RAD54L2: variants seen among roughly 807,000 people sequenced by gnomAD.
RAD54L2 encodes RAD54 like 2.
RAD54L2 carries 27 observed loss-of-function variants against 138.4 expected under a neutral mutation model. That is an observed-to-expected ratio of 0.20 (90% CI 0.14 to 0.27). The LOEUF (loss-of-function observed/expected upper bound fraction) is 0.27. Among genes scored for constraint, RAD54L2 ranks in the 10% least tolerant of loss-of-function variants. The pLI is 1.00. For missense variants in RAD54L2, 1,396 were observed against 1,890.2 expected (o/e 0.74, Z 4.85); for synonymous variants, 644 against 723.2 (o/e 0.89, Z 1.76).
chr3:51,598,831 T>C (rs776320021), intron 3 of RAD54L2, among the ~76,000 whole-genome samples: 25 of 151,930 alleles, frequency 1.6e-4, no homozygotes, highest in Non-Finnish European at 3.2e-4. Flanking sequence ...TTCTGGAGGG[T>C]GTCACACAAA....
intron 2 of RAD54L2, among the ~76,000 whole-genome samples, chr3:51,548,240 G>T (rs1553672747): frequency 6.6e-6 from 1 of 151,920 alleles, no homozygotes; most frequent in East Asian, 1.9e-4. Context: ...CCAGGCTGGA[G>T]TGCAGTGGCA....
chr3:51,554,945 C>T (rs907569176), intron 2 of RAD54L2, among the ~76,000 whole-genome samples: 3 of 152,110 alleles, frequency 2.0e-5, no homozygotes, highest in Admixed American at 1.3e-4. Flanking sequence ...CAGGTTCAAG[C>T]GATTCTCTTG....
In RAD54L2 at chr3:51,617,959, T is replaced by C. The variant is rs143684276; in HGVS notation, c.140-9594T>C. Among the ~76,000 whole-genome samples the C allele has an allele frequency of 3.7e-3, 567 of 152,098 alleles. 3 individuals carry two copies. Among genetic ancestry groups the C allele is most frequent in the African/African-American group, 0.013 (532 of 41,522 alleles). ...TTTAATACATACATGTTTCTAGATATGTAAGTCTTTTTTTTTTGAGACGGA... is the reference window on the plus strand; with the variant it reads ...TTTAATACATACATGTTTCTAGATACGTAAGTCTTTTTTTTTTGAGACGGA... On this transcript the variant is annotated intron_variant, in intron 3 of 22. Coordinates refer to ENST00000684192, the MANE Select transcript of RAD54L2 (RefSeq NM_015106.4).
intron 21 of RAD54L2, among the ~76,000 whole-genome samples, chr3:51,658,361 G>A (rs553932265): frequency 6.6e-6 from 1 of 152,286 alleles, no homozygotes; most frequent in East Asian, 1.9e-4. Context: ...AGCAGGGTGG[G>A]GGTCCCCTGA....
intron 2 of RAD54L2, among the ~76,000 whole-genome samples, chr3:51,542,754 C>T (rs925170067): frequency 4.6e-5 from 7 of 152,166 alleles, no homozygotes; most frequent in East Asian, 1.9e-4. Flanking sequence ...TGAGCCACCG[C>T]GCCTGGCCAA....
Position 51,633,945 on chromosome 3 carries a change from T to A in RAD54L2, c.1052T>A (p.Leu351His). ...QNWLAEFNMWLPPPEALPADN... is the reference protein window; with the variant it reads ...QNWLAEFNMWHPPPEALPADN... ...TGGCTGGCAGAGTTCAACATGTGGC[T>A]TCCACCTCCTGAAGCCCTCCCGGCT... Residue 351 changes from leucine (L) to histidine (H), a missense_variant, in exon 9 of 23, where the codon CTT becomes CAT. Physicochemically the swap from Leu to His is moderately conservative, Grantham distance 99 (BLOSUM62 -3). This residue lies in a region of RAD54L2 where 169 missense variants were observed against 235.6 expected (regional missense o/e 0.72). Transcript: ENST00000684192. The A allele has an allele frequency of 6.2e-7, 1 of 1,613,968 alleles. No individual in the cohort carries two copies. The highest frequency in any genetic ancestry group is 8.5e-7 in the Non-Finnish European group (1 of 1,179,848).
chr3:51,632,507 A>ATGGT (rs1700873502), intron 7 of RAD54L2, among the ~76,000 whole-genome samples: 1 of 146,554 alleles, frequency 6.8e-6, no homozygotes, highest in African/African-American at 2.5e-5. Flanking sequence ...GTTCACCAGG[A>ATGGT]TGGTCTTGAA....
At chr3:51,635,842 T>C in intron 10 of RAD54L2, 53 bp downstream of exon 10, 1 of 1,486,820 alleles carries the variant, frequency 6.7e-7, no homozygotes, top group Non-Finnish European at 9.0e-7. Flanking sequence ...AAAAAAGAAA[T>C]CATGTCTACT....
intron 2 of RAD54L2, among the ~76,000 whole-genome samples, chr3:51,589,593 C>T (rs1055021102): frequency 6.6e-6 from 1 of 151,720 alleles, no homozygotes; most frequent in African/African-American, 2.4e-5. Context: ...AAATTTGAAG[C>T]ACAGTTTCTA....
chr3:51,612,622 A>G (rs1700354573), intron 3 of RAD54L2, among the ~76,000 whole-genome samples: 1 of 151,464 alleles, frequency 6.6e-6, no homozygotes. Context: ...TGTTACTTAT[A>G]TACTTATGTT....
At chr3:51,553,648 G>A (rs150302560) in intron 2 of RAD54L2, among the ~76,000 whole-genome samples, 2 of 152,236 alleles carry the variant, frequency 1.3e-5, no homozygotes, top group East Asian at 1.9e-4. Context: ...GCAGCATAAC[G>A]AGACCCTGTC....
At chr3:51,555,860 G>C (rs191741355) in intron 2 of RAD54L2, among the ~76,000 whole-genome samples, 222 of 152,324 alleles carry the variant, frequency 1.5e-3, no homozygotes, top group Admixed American at 2.7e-3. Flanking sequence ...ATGGTGACAA[G>C]CTGAAATTAA....
chr3:51,581,929 CTTT>C (rs200417357), intron 2 of RAD54L2, among the ~76,000 whole-genome samples: 4 of 142,162 alleles, frequency 2.8e-5, no homozygotes, highest in Admixed American at 7.0e-5. Context: ...CTTCTCTTTT[CTTT>C]TTTTTTTTTT....
rs5848928 is a variant in RAD54L2 at position 51,609,698 on chromosome 3, T to TTGTGTGTGTGTG, written c.140-17824_140-17813dup. ...TCAACTACTGAATCCTTGTGGGCAT[T>TTGTGTGTGTGTG]TGTGTGTGTGTGTGTGTGTGTGTGT... On this transcript the variant is annotated intron_variant, in intron 3 of 22. Coordinates refer to ENST00000684192, the MANE Select transcript of RAD54L2 (RefSeq NM_015106.4). Among the ~76,000 whole-genome samples, 103 of 141,178 alleles carry TTGTGTGTGTGTG rather than the reference T, an allele frequency of 7.3e-4. 1 individual carries two copies. The highest frequency in any genetic ancestry group is 2.0e-3 in the African/African-American group (78 of 38,178). The allele number at this position is 141,178 out of a possible 152,430, so 92.6% of individuals were successfully genotyped here.
At chr3:51,604,822 T>G (rs929449727) in intron 3 of RAD54L2, among the ~76,000 whole-genome samples, 12 of 152,210 alleles carry the variant, frequency 7.9e-5, no homozygotes, top group South Asian at 2.1e-4. Context: ...GACTTGGGAC[T>G]GGGGCTGTAG....
intron 2 of RAD54L2, among the ~76,000 whole-genome samples, chr3:51,574,013 AG>A (rs1165596621): frequency 9.2e-6 from 1 of 108,938 alleles, no homozygotes; most frequent in African/African-American, 3.6e-5. Flanking sequence ...ACCCCACAAT[AG>A]GCCCCGGTGT....
At position 51,630,749 on chromosome 3, in the gene RAD54L2, G is replaced by C. The variant is rs756137239; in HGVS notation, c.643G>C (p.Val215Leu). Residue 215 changes from valine to leucine, a missense_variant, in exon 7 of 23, where the codon GTG (valine) becomes CTG (leucine). Coordinates refer to ENST00000684192, the MANE Select transcript of RAD54L2 (RefSeq NM_015106.4). ...SSGEEDTLHIVDSSESVSEDD... is the reference protein window; with the variant it reads ...SSGEEDTLHILDSSESVSEDD... ...TGGAGAGGAGGACACTCTGCACATT[G>C]TGGACAGCAGTGAATCTGTCAGTGA... 9.3e-6 allele frequency: 15 copies of C among 1,613,902 alleles called. No individual in the cohort carries two copies. Among genetic ancestry groups the C allele is most frequent in the Non-Finnish European group, 1.2e-5 (14 of 1,179,894 alleles).
At position 51,664,290 on chromosome 3, in the gene RAD54L2, T is replaced by C. The variant is rs1701866968; in HGVS notation, c.*870T>C. 2 of 152,212 alleles carry C rather than the reference T, an allele frequency of 1.3e-5. No individual in the cohort carries two copies. The highest frequency in any genetic ancestry group is 4.8e-5 in the African/African-American group (2 of 41,444). The allele number at this position is 152,212 out of a possible 1,614,324, so 9.4% of individuals were successfully genotyped here. A position where few individuals can be genotyped will look rare whatever the true frequency, so the allele number is the denominator to read the frequency against. ...GTCTCTTAACCCCGGTGGCTATCTC[T>C]GAGCAGCTCTCCCTTTCCAGCTTGG... On this transcript the variant is annotated 3_prime_UTR_variant, in exon 23 of 23. Coordinates refer to ENST00000684192, the MANE Select transcript of RAD54L2 (RefSeq NM_015106.4).
chr3:51,542,509 G>A (rs1196439973), intron 2 of RAD54L2, among the ~76,000 whole-genome samples: 3 of 151,132 alleles, frequency 2.0e-5, no homozygotes, highest in African/African-American at 4.9e-5. Context: ...GCAGTGGTGC[G>A]ATCTCGGCTC....
Sources: allele counts gnomAD v4.1 joint callset (sites outside exome capture counted in the v4.1 genomes callset), GRCh38; gene constraint gnomAD v4.1.1; regional missense constraint gnomAD v4.1.1; transcripts MANE v1.5; gene names NCBI Gene and HGNC (gene_info 2026-07-23, HGNC 2026-07-21).